HS3ST4: variants seen among roughly 807,000 people sequenced by gnomAD.
HS3ST4 encodes the protein heparan sulfate-glucosamine 3-sulfotransferase 4.
A neutral mutation model predicts 29.2 loss-of-function variants in HS3ST4; 17 were observed. That is an observed-to-expected ratio of 0.58 (90% CI 0.40 to 0.87). The LOEUF (loss-of-function observed/expected upper bound fraction) is 0.87, where lower values mean the gene tolerates loss of function less well. Among genes scored for constraint, HS3ST4 ranks in the 40% least tolerant of loss-of-function variants. The pLI, the probability that HS3ST4 is intolerant of heterozygous loss-of-function variation, is 0.00. For synonymous variants in HS3ST4, 314 were observed against 285.7 expected (o/e 1.10, Z -1.00); for missense variants, 627 against 634.5 (o/e 0.99, Z 0.13).
chr16:25,996,328 T>A (rs1406563802), intron 1 of HS3ST4, among the ~76,000 whole-genome samples: 5 of 152,206 alleles, frequency 3.3e-5, no homozygotes, highest in Non-Finnish European at 7.4e-5. Flanking sequence ...GAGAAAAGTT[T>A]AGAGCTTTTG....
chr16:26,120,746 G>C (rs1357647248), intron 1 of HS3ST4, among the ~76,000 whole-genome samples: 1 of 152,210 alleles, frequency 6.6e-6, no homozygotes, highest in Non-Finnish European at 1.5e-5. Flanking sequence ...AAGTGCTTTG[G>C]CTGAACATTG....
intron 1 of HS3ST4, among the ~76,000 whole-genome samples, chr16:25,865,090 A>T (rs1967681306): frequency 6.6e-6 from 1 of 152,110 alleles, no homozygotes; most frequent in Non-Finnish European, 1.5e-5. Context: ...GGCTATTGGA[A>T]CAATGCTGGT....
chr16:26,133,731 TC>T (rs1273288463), intron 1 of HS3ST4, among the ~76,000 whole-genome samples: 1 of 152,224 alleles, frequency 6.6e-6, no homozygotes, highest in Non-Finnish European at 1.5e-5. Flanking sequence ...GAAAAGTCAT[TC>T]TTTCTCCACA....
At chr16:25,876,693 G>A (rs753817419) in intron 1 of HS3ST4, among the ~76,000 whole-genome samples, 12 of 152,038 alleles carry the variant, frequency 7.9e-5, no homozygotes, top group African/African-American at 1.9e-4. Flanking sequence ...GGGTGGTCTC[G>A]TAAAGGAAAT....
intron 1 of HS3ST4, among the ~76,000 whole-genome samples, chr16:25,741,390 A>AAAT (rs1596557792): frequency 5.6e-5 from 8 of 144,020 alleles, no homozygotes; most frequent in African/African-American, 7.6e-5. Context: ...AAAAAAAAAA[A>AAAT]GGCGGGGGGA....
chr16:25,966,460 T>C (rs1198437510), intron 1 of HS3ST4, among the ~76,000 whole-genome samples: 1 of 152,170 alleles, frequency 6.6e-6, no homozygotes, highest in Non-Finnish European at 1.5e-5. Context: ...AGACTTTGCC[T>C]GGTATTCCCA....
chr16:26,040,516 G>T (rs2141758429), intron 1 of HS3ST4, among the ~76,000 whole-genome samples: 1 of 151,938 alleles, frequency 6.6e-6, no homozygotes, highest in South Asian at 2.1e-4. Context: ...TGTTGGCCAG[G>T]GTGGTCTCCA....
intron 1 of HS3ST4, among the ~76,000 whole-genome samples, chr16:25,748,270 C>T (rs575990354): frequency 6.6e-6 from 1 of 152,200 alleles, no homozygotes; most frequent in East Asian, 1.9e-4. Flanking sequence ...TTAAAATGAA[C>T]CCATACTGTG....
At chr16:25,845,934 T>A (rs910114334) in intron 1 of HS3ST4, among the ~76,000 whole-genome samples, 1 of 152,094 alleles carries the variant, frequency 6.6e-6, no homozygotes, top group Admixed American at 6.6e-5. Flanking sequence ...TGTGTTAGGG[T>A]CCCTGTTTTG....
At position 25,692,383 on chromosome 16, in the gene HS3ST4, G is replaced by T; in HGVS notation, c.-35G>T. Reference sequence around the variant, plus strand: ...TGTCCGGGCAGCGCCGGGGGCTGCCGCCGCCGCCGCCGCCGCCGCGAGCCG... The same window carrying T: ...TGTCCGGGCAGCGCCGGGGGCTGCCTCCGCCGCCGCCGCCGCCGCGAGCCG... On this transcript the variant is annotated 5_prime_UTR_variant, in exon 1 of 2. Coordinates refer to ENST00000331351, the MANE Select transcript of HS3ST4 (RefSeq NM_006040.3). 1.6e-6 allele frequency: 1 copy of T among 606,870 alleles called. No homozygotes were observed. The highest frequency in any genetic ancestry group is 2.1e-6 in the Non-Finnish European group (1 of 486,434). 37.6% of individuals were successfully genotyped at this position (606,870 alleles called of 1,614,324 possible). A position where few individuals can be genotyped will look rare whatever the true frequency, so the allele number is the denominator to read the frequency against.
chr16:25,848,477 T>C (rs1450792281), intron 1 of HS3ST4, among the ~76,000 whole-genome samples: 2 of 152,162 alleles, frequency 1.3e-5, no homozygotes, highest in Admixed American at 1.3e-4. Flanking sequence ...TTTTTTGCTT[T>C]TTCTAAGCCC....
chr16:26,093,365 G>T (rs1301334694), intron 1 of HS3ST4, among the ~76,000 whole-genome samples: 1 of 152,108 alleles, frequency 6.6e-6, no homozygotes, highest in Non-Finnish European at 1.5e-5. Flanking sequence ...ATACAGGCGG[G>T]TGCTCCTCTG....
chr16:25,754,543 A>G (rs1472317955), intron 1 of HS3ST4, among the ~76,000 whole-genome samples: 3 of 152,000 alleles, frequency 2.0e-5, no homozygotes, highest in Admixed American at 6.6e-5. Flanking sequence ...TCGGTAATCT[A>G]TAAAGGAAAG....
intron 1 of HS3ST4, among the ~76,000 whole-genome samples, chr16:25,983,013 C>G (rs966211229): frequency 6.6e-6 from 1 of 152,184 alleles, no homozygotes; most frequent in African/African-American, 2.4e-5. Flanking sequence ...CAGGTAGCAT[C>G]CCTACCCTCA....
intron 1 of HS3ST4, among the ~76,000 whole-genome samples, chr16:25,827,207 T>C (rs113382171): frequency 0.064 from 9,811 of 152,202 alleles, 370 homozygotes; most frequent in South Asian, 0.12. Flanking sequence ...ATTTGGTCTT[T>C]CTGTGTGTCA....
intron 1 of HS3ST4, among the ~76,000 whole-genome samples, chr16:25,894,591 C>T (rs1028425370): frequency 3.3e-5 from 5 of 151,640 alleles, no homozygotes; most frequent in Non-Finnish European, 5.9e-5. Flanking sequence ...CTGCAACCTC[C>T]GCCTCCCAGG....
rs150939995 is a variant in HS3ST4, at chr16:25,987,860, T to C, written c.735-147752T>C. On this transcript the variant is annotated intron_variant, in intron 1 of 1. Transcript: ENST00000331351. ...ATCCCGGCTCACTGCAACTTCTGCC[T>C]CCTGGGTTCGGGAGATTCTTCTGCA... is the stretch of plus-strand genomic sequence containing the variant. Among the ~76,000 whole-genome samples, 8 of 152,244 alleles carry C rather than the reference T, an allele frequency of 5.3e-5. No homozygotes were observed. In the East Asian group the frequency reaches 1.5e-3, roughly 29 times the overall value.
intron 1 of HS3ST4, among the ~76,000 whole-genome samples, chr16:25,813,439 A>C (rs942792118): frequency 6.6e-6 from 1 of 152,106 alleles, no homozygotes; most frequent in African/African-American, 2.4e-5. Flanking sequence ...CTCCACTAAA[A>C]ATACAAAATT....
intron 1 of HS3ST4, among the ~76,000 whole-genome samples, chr16:26,080,970 C>G (rs1236054460): frequency 6.6e-6 from 1 of 152,156 alleles, no homozygotes; most frequent in African/African-American, 2.4e-5. Context: ...AGTCAGACTC[C>G]ACCCCAGCCT....
Sources: gnomAD v4.1 joint callset for allele counts (sites outside exome capture counted in the v4.1 genomes callset) on GRCh38, gnomAD v4.1.1 for gene constraint, MANE v1.5 for transcripts, NCBI Gene and HGNC (gene_info 2026-07-23, HGNC 2026-07-21) for gene names.